The following RYR3 variants were observed in gnomAD, a reference collection of about 807,000 sequenced individuals.
The protein encoded by RYR3 is ryanodine receptor 3.
In RYR3, 207 loss-of-function variants were observed where a neutral mutation model predicts 584.3. That is an observed-to-expected ratio of 0.35 (90% CI 0.32 to 0.40). The LOEUF is 0.40. RYR3 is among the 10% of genes least tolerant of loss of function. RYR3 has a pLI of 1.00. For missense variants in RYR3, 5,616 were observed against 6,089.2 expected (o/e 0.92, Z 2.59); for synonymous variants, 2,416 against 2,248.5 (o/e 1.07, Z -2.11).
At chr15:33,493,656 G>C (rs958945459) in intron 2 of RYR3, among the ~76,000 whole-genome samples, 1 of 152,152 alleles carries the variant, frequency 6.6e-6, no homozygotes, top group African/African-American at 2.4e-5. Context: ...CAGGCAGAGG[G>C]AAAAACTGGA....
At chr15:33,601,350 C>G in intron 16 of RYR3, 69 bp from the exon 17 acceptor site, 1 of 1,511,424 alleles carries the variant, frequency 6.6e-7, no homozygotes, top group Non-Finnish European at 9.1e-7. Context: ...TTCCCTCATG[C>G]ATTGTGGTGG....
At chr15:33,728,077 A>T (rs951280394) in intron 46 of RYR3, among the ~76,000 whole-genome samples, 2 of 152,258 alleles carry the variant, frequency 1.3e-5, no homozygotes, top group African/African-American at 4.8e-5. Context: ...ATAACTACAG[A>T]CATGACATAT....
intron 27 of RYR3, among the ~76,000 whole-genome samples, chr15:33,640,622 C>T (rs79712835): frequency 2.8e-4 from 43 of 152,250 alleles, no homozygotes; most frequent in Admixed American, 5.9e-4. Context: ...TAAGATTACC[C>T]CCCTGCTCTC....
chr15:33,844,265 G>C (rs1045439393), intron 92 of RYR3, among the ~76,000 whole-genome samples: 3 of 152,140 alleles, frequency 2.0e-5, no homozygotes, highest in Non-Finnish European at 4.4e-5. Flanking sequence ...GAAGTCCATA[G>C]CCAAGAGAGG....
intron 18 of RYR3, among the ~76,000 whole-genome samples, chr15:33,610,152 C>A (rs2060108298): frequency 6.6e-6 from 1 of 152,146 alleles, no homozygotes. Context: ...TATTGCCCCA[C>A]CATATCTCCC....
intron 21 of RYR3, 116 bp downstream of exon 21, chr15:33,628,691 G>A: frequency 1.5e-6 from 1 of 659,978 alleles, no homozygotes; most frequent in Non-Finnish European, 2.7e-6. Flanking sequence ...ACACTGAGGA[G>A]ACCAGGTCTT....
At chr15:33,568,108 A>ATT in intron 12 of RYR3, among the ~76,000 whole-genome samples, 1 of 152,288 alleles carries the variant, frequency 6.6e-6, no homozygotes, top group South Asian at 2.1e-4. Flanking sequence ...CAATCTGTAG[A>ATT]GGAAAAAAGT....
intron 32 of RYR3, among the ~76,000 whole-genome samples, chr15:33,653,530 C>T (rs917298417): frequency 1.2e-4 from 18 of 152,068 alleles, no homozygotes; most frequent in Non-Finnish European, 1.2e-4. Flanking sequence ...ATTAGCCGAG[C>T]GTGGTGGCCC....
intron 12 of RYR3, among the ~76,000 whole-genome samples, chr15:33,576,311 AC>A (rs1174557518): frequency 6.6e-6 from 1 of 152,196 alleles, no homozygotes. Context: ...GCAGAGATGA[AC>A]AAAAAGAGAA....
At chr15:33,365,617 C>A (rs186954871) in intron 1 of RYR3, among the ~76,000 whole-genome samples, 26 of 152,312 alleles carry the variant, frequency 1.7e-4, no homozygotes, top group Admixed American at 1.6e-3. Context: ...ATCTACTATA[C>A]AGCACAGCAC....
intron 57 of RYR3, among the ~76,000 whole-genome samples, 193 bp downstream of exon 57, chr15:33,750,479 G>A (rs763624785): frequency 4.6e-5 from 7 of 152,180 alleles, no homozygotes; most frequent in Non-Finnish European, 7.4e-5. Context: ...TTAAAGATCA[G>A]TGACAACAAA....
intron 1 of RYR3, among the ~76,000 whole-genome samples, chr15:33,351,087 G>A (rs1455680489): frequency 4.6e-5 from 7 of 152,080 alleles, no homozygotes; most frequent in Non-Finnish European, 8.8e-5. Flanking sequence ...TCTCACCACC[G>A]ATCCCACAGA....
At chr15:33,464,513 TACAC>T (rs1457799360) in intron 1 of RYR3, among the ~76,000 whole-genome samples, 3 of 122,838 alleles carry the variant, frequency 2.4e-5, no homozygotes, top group Admixed American at 8.2e-5. Flanking sequence ...TACATACACA[TACAC>T]ATATATGTAC....
At chr15:33,748,781 C>T (rs149595196) in intron 55 of RYR3, among the ~76,000 whole-genome samples, 129 of 152,198 alleles carry the variant, frequency 8.5e-4, no homozygotes, top group Middle Eastern at 6.8e-3. Flanking sequence ...GCACCACCAG[C>T]GCACTAGAGT....
Position 33,865,286 on chromosome 15 carries a change from C to T in RYR3, c.*60C>T. 1 of 1,207,010 alleles carries T rather than the reference C, an allele frequency of 8.3e-7. No individual in the cohort carries two copies. The highest frequency in any genetic ancestry group is 1.2e-6 in the Non-Finnish European group (1 of 824,262). The allele number at this position is 1,207,010 out of a possible 1,614,324, so 74.8% of individuals were successfully genotyped here. ...TCAACTTCCCATGAAATAAAGTCCC[C>T]TTTTTACAGTTCTGCAACATATCTG... is the stretch of plus-strand genomic sequence containing the variant. On this transcript the variant is annotated 3_prime_UTR_variant, in exon 104 of 104. Coordinates refer to ENST00000634891, the MANE Select transcript of RYR3 (RefSeq NM_001036.6).
chr15:33,521,614 C>A (rs529925519), intron 3 of RYR3, among the ~76,000 whole-genome samples: 60 of 152,262 alleles, frequency 3.9e-4, no homozygotes, highest in African/African-American at 1.4e-3. Context: ...CCTTTCTGTG[C>A]ACTGCTTTTC....
At chr15:33,771,684 C>T (rs1330081029) in intron 62 of RYR3, among the ~76,000 whole-genome samples, 3 of 152,174 alleles carry the variant, frequency 2.0e-5, no homozygotes, top group Non-Finnish European at 4.4e-5. Context: ...TTGTTCTCTG[C>T]ATTTCCTGAA....
chr15:33,743,102 A>G (rs1240640609), intron 52 of RYR3, among the ~76,000 whole-genome samples: 1 of 152,190 alleles, frequency 6.6e-6, no homozygotes, highest in Non-Finnish European at 1.5e-5. Flanking sequence ...GCCATTTCTC[A>G]GCTGCAGCCT....
In RYR3 at chr15:33,863,431, G is replaced by GAAGGA. The variant is rs139760967; in HGVS notation, c.14466-706_14466-702dup. Among the ~76,000 whole-genome samples the GAAGGA allele has an allele frequency of 6.5e-3, 988 of 152,248 alleles. 9 individuals carry two copies. The highest frequency in any genetic ancestry group is 0.023 in the African/African-American group (949 of 41,544). ...CTGGGGCTTAGACTCTCCACCCTCA[G>GAAGGA]AAGGACATAATTTCTACTTTCTCAT... is the stretch of plus-strand genomic sequence containing the variant. On this transcript the variant is annotated intron_variant, in intron 102 of 103. Transcript: ENST00000634891.
Sources: gnomAD v4.1 joint callset for allele counts (sites outside exome capture counted in the v4.1 genomes callset) on GRCh38, gnomAD v4.1.1 for gene constraint, MANE v1.5 for transcripts, NCBI Gene and HGNC (gene_info 2026-07-23, HGNC 2026-07-21) for gene names.